TACC2: variants seen among roughly 807,000 people sequenced by gnomAD.
TACC2 encodes transforming acidic coiled-coil-containing protein 2.
A neutral mutation model predicts 227.3 loss-of-function variants in TACC2; 137 were observed. The ratio of observed to expected loss-of-function variants is 0.60; its 90% CI spans 0.52 to 0.69. The LOEUF (loss-of-function observed/expected upper bound fraction) is 0.69. Among genes scored for constraint, TACC2 ranks in the 30% least tolerant of loss-of-function variants. The pLI, the probability that TACC2 is intolerant of heterozygous loss-of-function variation, is 0.00. For missense variants in TACC2, 3,470 were observed against 3,694.4 expected (o/e 0.94, Z 1.57); for synonymous variants, 1,523 against 1,487.5 (o/e 1.02, Z -0.55).
intron 11 of TACC2, among the ~76,000 whole-genome samples, 185 bp from the exon 12 acceptor site, chr10:122,224,541 A>C (rs115332376): frequency 1.4e-3 from 206 of 152,306 alleles, no homozygotes; most frequent in African/African-American, 4.9e-3. Flanking sequence ...CGTTTGTCTG[A>C]AAATAGCCGA....
chr10:122,063,418 A>T (rs10788234), intron 3 of TACC2, among the ~76,000 whole-genome samples: 22,984 of 152,112 alleles, frequency 0.15, 2,132 homozygotes, highest in East Asian at 0.32. Flanking sequence ...CAGAAAGGAG[A>T]GTGGGAGGGA....
intron 7 of TACC2, among the ~76,000 whole-genome samples, chr10:122,170,946 G>A (rs2093440098): frequency 6.6e-6 from 1 of 152,202 alleles, no homozygotes; most frequent in Non-Finnish European, 1.5e-5. Flanking sequence ...ACCCAAGGAA[G>A]TTGCTGGCTG....
At chr10:122,248,939 A>C (rs2096191162) in intron 20 of TACC2, 111 bp from the exon 21 acceptor site, 1 of 1,488,706 alleles carries the variant, frequency 6.7e-7, no homozygotes. Context: ...CTGGGGAGGC[A>C]GACTTGGCCG....
intron 11 of TACC2, among the ~76,000 whole-genome samples, chr10:122,218,542 T>G (rs1298365567): frequency 6.6e-6 from 1 of 152,218 alleles, no homozygotes; most frequent in East Asian, 1.9e-4. Flanking sequence ...ATTTCATGTT[T>G]TTCAGAGTAT....
intron 7 of TACC2, chr10:122,163,401 C>T (rs1235533480): frequency 1.3e-5 from 3 of 223,966 alleles, no homozygotes; most frequent in African/African-American, 2.3e-5. Flanking sequence ...GGCCGCGGCT[C>T]GTTTGCATTT....
intron 1 of TACC2, among the ~76,000 whole-genome samples, chr10:122,007,096 A>G (rs969073271): frequency 2.0e-5 from 3 of 152,052 alleles, no homozygotes; most frequent in African/African-American, 7.2e-5. Flanking sequence ...TCCCGACCTT[A>G]GGTGATCTGC....
intron 5 of TACC2, among the ~76,000 whole-genome samples, chr10:122,125,227 C>T (rs562660166): frequency 1.1e-4 from 16 of 152,240 alleles, no homozygotes; most frequent in African/African-American, 3.9e-4. Flanking sequence ...CAGGGTCTCA[C>T]TTTTGTTGCT....
At chr10:122,151,462 GGAGGGACTA>G (rs1368390818) in intron 7 of TACC2, among the ~76,000 whole-genome samples, 2 of 152,148 alleles carry the variant, frequency 1.3e-5, no homozygotes, top group Admixed American at 1.3e-4. Context: ...GAGAGGAACT[GGAGGGACTA>G]GAGGGAGGTA....
At chr10:122,245,947 C>T (rs993532181) in intron 19 of TACC2, among the ~76,000 whole-genome samples, 6 of 149,938 alleles carry the variant, frequency 4.0e-5, no homozygotes, top group African/African-American at 1.5e-4. Context: ...TCAGAGGCTC[C>T]TAGCCACTGG....
At chr10:122,206,491 A>G (rs932014150) in intron 8 of TACC2, among the ~76,000 whole-genome samples, 12 of 152,250 alleles carry the variant, frequency 7.9e-5, no homozygotes, top group Non-Finnish European at 1.5e-4. Context: ...GGAAGAGACC[A>G]GGAGTGTGCA....
Position 122,229,430 on chromosome 10 carries a change from T to A in TACC2, c.7981T>A (p.Tyr2661Asn). ...HPVSLCGALD[Y>N]LEPDLAEKNP... ...CGTCTCTCTCTGTGGTGCACTTGAC[T>A]ATCTGGAGCCCGACTTAGCAGAAAA... is the stretch of plus-strand genomic sequence containing the variant. Residue 2661 changes from tyrosine (Y) to asparagine (N), a missense_variant, in exon 15 of 23, where the codon TAT becomes AAT. Tyr to Asn is a moderately radical substitution (Grantham distance 143). Coordinates refer to ENST00000369005, the MANE Select transcript of TACC2 (RefSeq NM_206862.4). The A allele has an allele frequency of 6.2e-7, 1 of 1,614,018 alleles. No homozygotes were observed. Among genetic ancestry groups the A allele is most frequent in the Non-Finnish European group, 8.5e-7 (1 of 1,180,012 alleles).
intron 7 of TACC2, among the ~76,000 whole-genome samples, chr10:122,171,714 A>T (rs1227722599): frequency 1.3e-5 from 2 of 152,236 alleles, no homozygotes; most frequent in Admixed American, 6.5e-5. Flanking sequence ...AGGTGGACGT[A>T]TCATTTGGTA....
At chr10:122,029,525 C>T (rs1958662601) in intron 2 of TACC2, among the ~76,000 whole-genome samples, 1 of 152,148 alleles carries the variant, frequency 6.6e-6, no homozygotes, top group Non-Finnish European at 1.5e-5. Context: ...GAAGTGCTTG[C>T]TCCTGTTCTG....
intron 11 of TACC2, among the ~76,000 whole-genome samples, chr10:122,217,185 ACT>A (rs2095422745): frequency 6.6e-6 from 1 of 151,806 alleles, no homozygotes. Flanking sequence ...TTCAAGTCAA[ACT>A]CTCAGTGTAG....
At chr10:122,045,859 C>T (rs2074912711) in intron 2 of TACC2, among the ~76,000 whole-genome samples, 1 of 152,228 alleles carries the variant, frequency 6.6e-6, no homozygotes, top group South Asian at 2.1e-4. Context: ...TAGTATCATT[C>T]TTGCAGATTA....
chr10:122,140,160 A>G (rs373317380), intron 6 of TACC2, among the ~76,000 whole-genome samples: 1 of 152,206 alleles, frequency 6.6e-6, no homozygotes, highest in Admixed American at 6.5e-5. Context: ...GTGCTAACTC[A>G]GGGACAGCAA....
chr10:122,065,636 G>A (rs1220458068), intron 3 of TACC2, among the ~76,000 whole-genome samples: 2 of 152,140 alleles, frequency 1.3e-5, no homozygotes, highest in Non-Finnish European at 2.9e-5. Flanking sequence ...GTTGGTCATA[G>A]TGTTGTTCAC....
At chr10:122,145,947 A>G (rs1180458497) in intron 7 of TACC2, among the ~76,000 whole-genome samples, 3 of 152,228 alleles carry the variant, frequency 2.0e-5, no homozygotes, top group Non-Finnish European at 2.9e-5. Flanking sequence ...TGAGCCATTC[A>G]GCAACATGAA....
In TACC2 at chr10:122,219,018, CAA is replaced by C. The variant is rs61446434; in HGVS notation, c.7546+2206_7546+2207del. ...GCCTGGGTGACAGTGAGACTCGTCT[CAA>C]AAAAAAAAAAAAAAAGAAAAGTGAC... On this transcript the variant is annotated intron_variant, in intron 11 of 22. Coordinates refer to ENST00000369005, the MANE Select transcript of TACC2 (RefSeq NM_206862.4). Among the ~76,000 whole-genome samples the C allele has an allele frequency of 4.5e-3, 335 of 74,676 alleles. 4 individuals are homozygous for C. The highest frequency in any genetic ancestry group is 6.1e-3 in the Non-Finnish European group (236 of 38,554). The allele number at this position is 74,676 out of a possible 152,430, so 49.0% of individuals were successfully genotyped here. A position where few individuals can be genotyped will look rare whatever the true frequency, so the allele number is the denominator to read the frequency against.
Sources: allele counts gnomAD v4.1 joint callset (sites outside exome capture counted in the v4.1 genomes callset), GRCh38; gene constraint gnomAD v4.1.1; transcripts MANE v1.5; gene names NCBI Gene and HGNC (gene_info 2026-07-23, HGNC 2026-07-21).